The following SYT9 variants were observed in gnomAD, a reference collection of about 807,000 sequenced individuals.
The protein encoded by SYT9 is synaptotagmin 9, also known as synaptotagmin-9.
In SYT9, 22 loss-of-function variants were observed where a neutral mutation model predicts 48.4. The observed-to-expected ratio is 0.45, with a 90% confidence interval of 0.32 to 0.65. The LOEUF (loss-of-function observed/expected upper bound fraction) is 0.65. Ranked by LOEUF, SYT9 falls within the 30% of genes least tolerant of loss-of-function variation. The probability of loss-of-function intolerance (pLI) is 0.03; values close to 1 mark genes in which losing one functional copy is unlikely to be tolerated. For missense variants in SYT9, 577 were observed against 622.0 expected, an observed-to-expected ratio of 0.93 and a Z score of 0.77; for synonymous variants, 265 against 245.0, an observed-to-expected ratio of 1.08 and a Z score of -0.76.
intron 3 of SYT9, among the ~76,000 whole-genome samples, chr11:7,389,544 C>T (rs376362053): frequency 1.3e-5 from 2 of 152,118 alleles, no homozygotes; most frequent in African/African-American, 2.4e-5. Context: ...TTTGCTTTAA[C>T]CATTCAGTTA....
intron 1 of SYT9, among the ~76,000 whole-genome samples, chr11:7,246,419 T>A (rs1043654787): frequency 6.6e-6 from 1 of 152,238 alleles, no homozygotes; most frequent in African/African-American, 2.4e-5. Flanking sequence ...GCTTTCTGAA[T>A]CATAGAAGAA....
chr11:7,360,850 G>T (rs1272115488), intron 3 of SYT9, among the ~76,000 whole-genome samples: 3 of 152,106 alleles, frequency 2.0e-5, no homozygotes, highest in Non-Finnish European at 2.9e-5. Flanking sequence ...GCTTTTTGAG[G>T]TGGGTTTTAA....
At chr11:7,333,382 C>G (rs2133980787) in intron 3 of SYT9, among the ~76,000 whole-genome samples, 1 of 152,308 alleles carries the variant, frequency 6.6e-6, no homozygotes, top group Non-Finnish European at 1.5e-5. Flanking sequence ...CAGCAAGGAG[C>G]TATGACTTCG....
intron 3 of SYT9, among the ~76,000 whole-genome samples, chr11:7,390,543 T>A (rs1434019480): frequency 6.6e-6 from 1 of 152,114 alleles, no homozygotes; most frequent in Non-Finnish European, 1.5e-5. Context: ...TGAAACATAA[T>A]GGAATAGTAA....
At chr11:7,366,575 AAC>A (rs777171848) in intron 3 of SYT9, among the ~76,000 whole-genome samples, 23 of 152,176 alleles carry the variant, frequency 1.5e-4, no homozygotes, top group Non-Finnish European at 2.9e-4. Flanking sequence ...TCTTCATTTT[AAC>A]TCATAATCCT....
Position 7,466,978 on chromosome 11 carries a change from C to A in SYT9, c.*178C>A. 1.4e-6 allele frequency: 1 copy of A among 716,232 alleles called. No individual in the cohort carries two copies. Among genetic ancestry groups the A allele is most frequent in the South Asian group, 1.9e-5 (1 of 51,484 alleles). The allele number at this position is 716,232 out of a possible 1,614,324, so 44.4% of individuals were successfully genotyped here. A position where few individuals can be genotyped will look rare whatever the true frequency, so the allele number is the denominator to read the frequency against. On this transcript the variant is annotated 3_prime_UTR_variant, in exon 7 of 7. Coordinates refer to ENST00000318881, the MANE Select transcript of SYT9 (RefSeq NM_175733.4). ...TTGGGTTTGGTGAACCTGAATGGTC[C>A]AGCCACCTTCTGCAGGTGGCCCAAG...
chr11:7,293,020 C>T (rs146650916), intron 1 of SYT9, among the ~76,000 whole-genome samples: 319 of 152,248 alleles, frequency 2.1e-3, no homozygotes, highest in Non-Finnish European at 3.7e-3. Flanking sequence ...TCCAGGCTGT[C>T]AGTGTCTAGC....
At chr11:7,393,248 C>T (rs1189880537) in intron 3 of SYT9, among the ~76,000 whole-genome samples, 1 of 148,722 alleles carries the variant, frequency 6.7e-6, no homozygotes, top group Non-Finnish European at 1.5e-5. Flanking sequence ...TCATAGATGG[C>T]TCTTTCTATT....
chr11:7,326,607 C>T (rs78921721), intron 3 of SYT9, among the ~76,000 whole-genome samples: 10 of 148,724 alleles, frequency 6.7e-5, no homozygotes, highest in Non-Finnish European at 1.2e-4. Context: ...GAGCCCGCAT[C>T]GCCAAGTCAA....
intron 3 of SYT9, among the ~76,000 whole-genome samples, chr11:7,389,134 C>A (rs1850714987): frequency 6.6e-6 from 1 of 152,170 alleles, no homozygotes; most frequent in African/African-American, 2.4e-5. Context: ...TTAGAATATT[C>A]TGCCTAAGAG....
chr11:7,346,231 G>A (rs1329252356), intron 3 of SYT9, among the ~76,000 whole-genome samples: 1 of 152,200 alleles, frequency 6.6e-6, no homozygotes, highest in East Asian at 1.9e-4. Flanking sequence ...GAGGAGGACT[G>A]AAATTGGGAA....
At position 7,251,979 on chromosome 11, in the gene SYT9, C is replaced by T; in HGVS notation, c.-208C>T. On this transcript the variant is annotated 5_prime_UTR_variant, in exon 1 of 7. Transcript: ENST00000318881. ...GGGACCGGGCGGGAGAGAGAGAAAGCCTGACCGACCGGCTGGCGAAGAGCT... is the reference window on the plus strand; with the variant it reads ...GGGACCGGGCGGGAGAGAGAGAAAGTCTGACCGACCGGCTGGCGAAGAGCT... The T allele has an allele frequency of 2.1e-6, 1 of 474,522 alleles. No homozygotes were observed. Among genetic ancestry groups the T allele is most frequent in the Non-Finnish European group, 3.6e-6 (1 of 280,668 alleles). 29.4% of individuals were successfully genotyped at this position (474,522 alleles called of 1,614,324 possible).
intron 1 of SYT9, among the ~76,000 whole-genome samples, chr11:7,276,117 C>T (rs1004346675): frequency 1.1e-4 from 17 of 152,166 alleles, no homozygotes; most frequent in Non-Finnish European, 1.5e-5. Flanking sequence ...TCATGGGTGA[C>T]ACCAGTCCCA....
intron 3 of SYT9, among the ~76,000 whole-genome samples, chr11:7,321,836 G>T (rs796999795): frequency 6.6e-6 from 1 of 152,188 alleles, no homozygotes; most frequent in South Asian, 2.1e-4. Context: ...CTGAGTCATT[G>T]CCATGGAAAG....
At chr11:7,464,528 C>A (rs1590047987) in intron 6 of SYT9, among the ~76,000 whole-genome samples, 1 of 152,116 alleles carries the variant, frequency 6.6e-6, no homozygotes, top group African/African-American at 2.4e-5. Context: ...ATTAAAGAAC[C>A]CCACGGGGTC....
At chr11:7,298,824 C>A (rs923441657) in intron 1 of SYT9, among the ~76,000 whole-genome samples, 2 of 152,102 alleles carry the variant, frequency 1.3e-5, no homozygotes, top group Non-Finnish European at 1.5e-5. Flanking sequence ...AGGTTTCTGA[C>A]AAACAGGCGT....
intron 6 of SYT9, among the ~76,000 whole-genome samples, chr11:7,425,173 C>T (rs891854613): frequency 6.6e-6 from 1 of 152,132 alleles, no homozygotes; most frequent in African/African-American, 2.4e-5. Context: ...GATTAGGTGT[C>T]CATCCCGGTG....
upstream of SYT9, among the ~76,000 whole-genome samples, chr11:7,249,103 A>T (rs546101393): frequency 3.6e-3 from 541 of 152,206 alleles, 3 homozygotes; most frequent in Middle Eastern, 0.031. Flanking sequence ...TACCTTTATG[A>T]CCTCATTTAC....
chr11:7,251,130 A>ACACACACACACC (rs909728944), upstream of SYT9, among the ~76,000 whole-genome samples: 23 of 127,332 alleles, frequency 1.8e-4, no homozygotes, highest in African/African-American at 5.5e-4. Context: ...ACACACACAC[A>ACACACACACACC]CACCCAGAGT....
Sources: allele counts gnomAD v4.1 joint callset (sites outside exome capture counted in the v4.1 genomes callset), GRCh38; gene constraint gnomAD v4.1.1; transcripts MANE v1.5; gene names NCBI Gene and HGNC (gene_info 2026-07-23, HGNC 2026-07-21).